Variants in HDAC9 observed in about 807,000 individuals in gnomAD.
HDAC9 encodes MEF-2 interacting transcription repressor (MITR) protein.
Under a neutral mutation model 139.4 loss-of-function variants are expected in HDAC9, and 41 were observed. That is an observed-to-expected ratio of 0.29 (90% CI 0.23 to 0.38). The LOEUF is 0.38. HDAC9 is among the 10% of genes least tolerant of loss of function. HDAC9 has a pLI of 1.00. For missense variants in HDAC9, 1,147 were observed against 1,297.0 expected (o/e 0.88, Z 1.78); for synonymous variants, 517 against 476.2 (o/e 1.09, Z -1.12).
intron 1 of HDAC9, among the ~76,000 whole-genome samples, chr7:18,411,030 A>G (rs746109042): frequency 6.6e-6 from 1 of 152,236 alleles, no homozygotes; most frequent in Non-Finnish European, 1.5e-5. Flanking sequence ...AAAAGGTGCT[A>G]AGCTTCTCAG....
intron 22 of HDAC9, among the ~76,000 whole-genome samples, chr7:18,915,414 TA>T (rs1159405857): frequency 3.3e-5 from 5 of 151,582 alleles, no homozygotes; most frequent in African/African-American, 9.7e-5. Flanking sequence ...CGCAACAAAC[TA>T]TTTTTTTTTT....
chr7:18,648,675 A>T lies in HDAC9; in HGVS notation c.1459A>T (p.Met487Leu), dbSNP rs921220713. Reference sequence around the variant, plus strand: ...GAAGCAATACCAGCAGCAGATCCACATGAACAAAGTAAGCCTCCAAGCCAA... The same window carrying T: ...GAAGCAATACCAGCAGCAGATCCACTTGAACAAAGTAAGCCTCCAAGCCAA... ...KQKQYQQQIH[M>L]NKLLSKSIEQ... Residue 487 changes from methionine (M) to leucine (L), a missense_variant, in exon 11 of 26, where the codon ATG (methionine) becomes TTG (leucine). By Grantham distance (15) the Met-to-Leu change is conservative. This residue lies in a region of HDAC9 where 256 missense variants were observed against 219.2 expected (regional missense o/e 1.17). Transcript: ENST00000686413. 1 of 1,611,314 alleles carries T rather than the reference A, an allele frequency of 6.2e-7. No homozygotes were observed. Among genetic ancestry groups the T allele is most frequent in the Non-Finnish European group, 8.5e-7 (1 of 1,178,500 alleles).
intron 1 of HDAC9, 98 bp downstream of exon 1, chr7:18,496,121 C>G: frequency 7.1e-7 from 1 of 1,414,102 alleles, no homozygotes; most frequent in Non-Finnish European, 9.6e-7. Context: ...TGCTGCTTCT[C>G]CTCAGGGAGG....
intron 12 of HDAC9, chr7:18,667,365 G>A (rs1043114133): frequency 8.1e-6 from 8 of 983,294 alleles, no homozygotes; most frequent in Non-Finnish European, 8.5e-6. Context: ...AGTTTGAAAA[G>A]AAGGTGTATC....
At chr7:18,395,551 A>G (rs908546014) in intron 1 of HDAC9, among the ~76,000 whole-genome samples, 1 of 151,482 alleles carries the variant, frequency 6.6e-6, no homozygotes, top group African/African-American at 2.4e-5. Flanking sequence ...AAAAAAAAAA[A>G]ACTAGATACC....
At chr7:18,489,929 G>A (rs911809777) in intron 1 of HDAC9, among the ~76,000 whole-genome samples, 15 of 151,928 alleles carry the variant, frequency 9.9e-5, no homozygotes, top group African/African-American at 3.6e-4. Flanking sequence ...GTGCACACAT[G>A]CCCATCATCT....
At chr7:18,587,320 A>G (rs748637442) in intron 3 of HDAC9, among the ~76,000 whole-genome samples, 15 of 152,208 alleles carry the variant, frequency 9.9e-5, no homozygotes, top group Non-Finnish European at 2.2e-4. Flanking sequence ...AAAAAGAATT[A>G]TGAGATAGCT....
chr7:18,983,561 T>G (rs1785098601), intron 25 of HDAC9, among the ~76,000 whole-genome samples: 1 of 152,214 alleles, frequency 6.6e-6, no homozygotes, highest in Non-Finnish European at 1.5e-5. Flanking sequence ...GTTTTCTTTT[T>G]GTGGTCACAG....
intron 2 of HDAC9, among the ~76,000 whole-genome samples, chr7:18,275,326 A>G (rs1426297382): frequency 1.3e-5 from 2 of 152,234 alleles, no homozygotes; most frequent in African/African-American, 4.8e-5. Context: ...TCTTTTGCTT[A>G]GATTTTCAAA....
At chr7:18,753,936 G>A (rs1230816287) in intron 14 of HDAC9, among the ~76,000 whole-genome samples, 1 of 152,078 alleles carries the variant, frequency 6.6e-6, no homozygotes, top group Non-Finnish European at 1.5e-5. Context: ...CTTTGGTTAA[G>A]AGTAGACTAA....
chr7:18,841,956 T>G (rs547946794), intron 21 of HDAC9, among the ~76,000 whole-genome samples: 20 of 152,288 alleles, frequency 1.3e-4, no homozygotes, highest in African/African-American at 4.8e-4. Context: ...TGTATGCATT[T>G]AGATTTTGTG....
intron 2 of HDAC9, among the ~76,000 whole-genome samples, chr7:18,205,821 G>A (rs1791469109): frequency 6.6e-6 from 1 of 152,024 alleles, no homozygotes; most frequent in African/African-American, 2.4e-5. Context: ...CAGTCTACAG[G>A]TAATTCAGTG....
In HDAC9 at chr7:18,909,647, A is replaced by T. The variant is rs577148187; in HGVS notation, c.2804-26162A>T. Among the ~76,000 whole-genome samples, 14 of 151,922 alleles carry T rather than the reference A, an allele frequency of 9.2e-5. No homozygotes were observed. In the South Asian group the frequency reaches 1.2e-3, roughly 14 times the overall value. On this transcript the variant is annotated intron_variant, in intron 22 of 25. Coordinates refer to ENST00000686413, the MANE Select transcript of HDAC9 (RefSeq NM_178425.4). ...TCCCAGCACTATTTATCTATTTTTTAAATTTTAGATTCATTACATACTATG... is the reference window on the plus strand; with the variant it reads ...TCCCAGCACTATTTATCTATTTTTTTAATTTTAGATTCATTACATACTATG...
At chr7:18,278,534 A>G (rs1412135638) in intron 2 of HDAC9, among the ~76,000 whole-genome samples, 1 of 152,222 alleles carries the variant, frequency 6.6e-6, no homozygotes, top group African/African-American at 2.4e-5. Flanking sequence ...ATTTAATATA[A>G]TACAGACTTT....
chr7:18,451,229 C>T (rs1792791466), intron 1 of HDAC9, among the ~76,000 whole-genome samples: 1 of 152,082 alleles, frequency 6.6e-6, no homozygotes, highest in Non-Finnish European at 1.5e-5. Flanking sequence ...CCTCACCAGA[C>T]ATAAATATGC....
intron 12 of HDAC9, among the ~76,000 whole-genome samples, chr7:18,710,864 G>C (rs1482812538): frequency 6.6e-6 from 1 of 152,048 alleles, no homozygotes; most frequent in Non-Finnish European, 1.5e-5. Flanking sequence ...TTAGCCAGTG[G>C]GGAATATATA....
At chr7:18,883,858 T>A (rs1446842067) in intron 22 of HDAC9, among the ~76,000 whole-genome samples, 1 of 152,072 alleles carries the variant, frequency 6.6e-6, no homozygotes, top group Non-Finnish European at 1.5e-5. Flanking sequence ...GAATATAATA[T>A]TAACATACAA....
At chr7:18,295,465 G>C (rs1798082763) in intron 1 of HDAC9, among the ~76,000 whole-genome samples, 2 of 152,024 alleles carry the variant, frequency 1.3e-5, no homozygotes, top group Admixed American at 1.3e-4. Flanking sequence ...TGACTAATCA[G>C]TTTTACTGTT....
chr7:18,309,685 C>T (rs1323639781), intron 1 of HDAC9, among the ~76,000 whole-genome samples: 2 of 151,948 alleles, frequency 1.3e-5, no homozygotes, highest in Non-Finnish European at 2.9e-5. Context: ...AAAGAACTTT[C>T]GGGAACATTT....
Sources: allele counts gnomAD v4.1 joint callset (sites outside exome capture counted in the v4.1 genomes callset), GRCh38; gene constraint gnomAD v4.1.1; regional missense constraint gnomAD v4.1.1; transcripts MANE v1.5; gene names NCBI Gene and HGNC (gene_info 2026-07-23, HGNC 2026-07-21).